The following AKAP13 variants were observed in gnomAD, a reference collection of about 807,000 sequenced individuals.
AKAP13 encodes the protein A-kinase anchor protein 13.
A neutral mutation model predicts 264.5 loss-of-function variants in AKAP13; 80 were observed. That is an observed-to-expected ratio of 0.30 (90% confidence interval 0.25 to 0.36). The LOEUF (loss-of-function observed/expected upper bound fraction) is 0.36, where lower values mean the gene tolerates loss of function less well. Ranked by LOEUF, AKAP13 falls within the 10% of genes least tolerant of loss-of-function variation. The probability of loss-of-function intolerance (pLI) is 1.00; values close to 1 mark genes in which losing one functional copy is unlikely to be tolerated. For missense variants in AKAP13, 3,712 were observed against 3,435.2 expected, an observed-to-expected ratio of 1.08 and a Z score of -2.01; for synonymous variants, 1,380 against 1,250.2, an observed-to-expected ratio of 1.10 and a Z score of -2.19.
chr15:85,466,042 T>A (rs1234908516), intron 1 of AKAP13, among the ~76,000 whole-genome samples: 2 of 152,270 alleles, frequency 1.3e-5, no homozygotes, highest in African/African-American at 2.4e-5. Context: ...AATGGTTGCC[T>A]TTCTAACTGG....
Position 85,740,213 on chromosome 15 carries a change from C to T in AKAP13, c.7558-9C>T. On this transcript the variant is annotated splice_polypyrimidine_tract_variant and intron_variant, in intron 33 of 36. Coordinates refer to ENST00000394518, the MANE Select transcript of AKAP13 (RefSeq NM_007200.5). ...TGAAACGAATGTTTCCATTTTGTTC[C>T]TTTGGCAGCAGGTTGTCCAGAGCGT... is the stretch of plus-strand genomic sequence containing the variant. 6.2e-7 allele frequency: 1 copy of T among 1,614,018 alleles called. No individual in the cohort carries two copies. The highest frequency in any genetic ancestry group is 1.1e-5 in the South Asian group (1 of 91,074).
At chr15:85,471,143 C>G (rs114228582) in intron 1 of AKAP13, among the ~76,000 whole-genome samples, 2,043 of 152,264 alleles carry the variant, frequency 0.013, 60 homozygotes, top group African/African-American at 0.047. Context: ...TGACACAAAG[C>G]ATTACAGCAT....
intron 13 of AKAP13, among the ~76,000 whole-genome samples, chr15:85,669,218 A>G (rs1046079273): frequency 1.2e-4 from 19 of 152,200 alleles, no homozygotes; most frequent in Non-Finnish European, 2.1e-4. Flanking sequence ...CAGCTGGGTG[A>G]CAGAGTGAGA....
At chr15:85,477,867 C>T (rs2075223733) in intron 1 of AKAP13, among the ~76,000 whole-genome samples, 3 of 152,082 alleles carry the variant, frequency 2.0e-5, no homozygotes, top group Non-Finnish European at 4.4e-5. Flanking sequence ...ACCTGGATGC[C>T]TCTTGTGACT....
intron 2 of AKAP13, among the ~76,000 whole-genome samples, chr15:85,510,271 G>T (rs972927771): frequency 1.3e-5 from 2 of 152,136 alleles, no homozygotes; most frequent in Non-Finnish European, 2.9e-5. Flanking sequence ...GAGCAGCACT[G>T]GGCTTAGACA....
At chr15:85,441,591 A>C (rs570765307) in intron 1 of AKAP13, among the ~76,000 whole-genome samples, 14 of 152,144 alleles carry the variant, frequency 9.2e-5, no homozygotes, top group Non-Finnish European at 1.3e-4. Context: ...AGCCAAGATC[A>C]CAAAGATTTT....
Position 85,581,534 on chromosome 15 carries a change from G to A in AKAP13, c.3466G>A (p.Asp1156Asn). The change falls in exon 7 of 37, where the codon GAT becomes AAT. Residue 1156 changes from aspartate (D) to asparagine (N), a missense_variant. Around this residue, in one of 3 missense-constraint regions of AKAP13, gnomAD observed 2,759 missense variants for 2,411.7 expected, o/e 1.14. Transcript: ENST00000394518. ...GVGTPEMIPL[D>N]WEKGKLEGAD... ...TGGAACCCCAGAGATGATACCTCTTGATTGGGAGAAAGGGAAGCTGGAGGG... is the reference window on the plus strand; with the variant it reads ...TGGAACCCCAGAGATGATACCTCTTAATTGGGAGAAAGGGAAGCTGGAGGG... 6.2e-7 allele frequency: 1 copy of A among 1,614,198 alleles called. No individual in the cohort carries two copies.
rs74360210 is a variant in AKAP13 at position 85,635,198 on chromosome 15, C to A, written c.4162-4176C>A. 3 of 397,610 alleles carry A rather than the reference C, an allele frequency of 7.5e-6. No homozygotes were observed. In the South Asian group the frequency reaches 3.9e-4, roughly 52 times the overall value. 24.6% of individuals were successfully genotyped at this position (397,610 alleles called of 1,614,324 possible). ...TTTCTTTCAGCAACAGTACTGTGTTCTAGTTGCTCCACATCTTTGCCAACA... is the reference window on the plus strand; with the variant it reads ...TTTCTTTCAGCAACAGTACTGTGTTATAGTTGCTCCACATCTTTGCCAACA... On this transcript the variant is annotated intron_variant, in intron 8 of 36. Transcript: ENST00000394518.
chr15:85,448,569 CA>C (rs1858587601), intron 1 of AKAP13, among the ~76,000 whole-genome samples: 1 of 152,112 alleles, frequency 6.6e-6, no homozygotes, highest in African/African-American at 2.4e-5. Context: ...GGTCCAGCTT[CA>C]AACTTGTACA....
At chr15:85,506,277 C>T (rs2151105527) in intron 2 of AKAP13, among the ~76,000 whole-genome samples, 1 of 152,218 alleles carries the variant, frequency 6.6e-6, no homozygotes, top group South Asian at 2.1e-4. Flanking sequence ...GAGCGGGACT[C>T]CATCTCAAAA....
intron 4 of AKAP13, among the ~76,000 whole-genome samples, chr15:85,541,318 G>C (rs534558751): frequency 2.0e-5 from 3 of 152,302 alleles, no homozygotes; most frequent in African/African-American, 7.2e-5. Flanking sequence ...TGGGGAAATA[G>C]AAGGAAGAAT....
At chr15:85,426,828 T>G (rs1315120601) in intron 1 of AKAP13, among the ~76,000 whole-genome samples, 1 of 152,194 alleles carries the variant, frequency 6.6e-6, no homozygotes, top group Non-Finnish European at 1.5e-5. Context: ...CATAAACATC[T>G]CTAAAGAATT....
chr15:85,699,172 G>T (rs991606766), intron 17 of AKAP13, among the ~76,000 whole-genome samples: 1 of 151,918 alleles, frequency 6.6e-6, no homozygotes, highest in East Asian at 1.9e-4. Context: ...TGCCAGGGAT[G>T]GTGGCTCACA....
chr15:85,422,655 T>C (rs949544661), intron 1 of AKAP13, among the ~76,000 whole-genome samples: 3 of 152,198 alleles, frequency 2.0e-5, no homozygotes, highest in Non-Finnish European at 4.4e-5. Context: ...TACCTGCATA[T>C]GATTTTAAAT....
In AKAP13 at chr15:85,685,099, T is replaced by G. The variant is rs2084818092; in HGVS notation, c.5289+226T>G. The G allele has an allele frequency of 9.0e-6, 4 of 443,454 alleles. No homozygotes were observed. In the South Asian group the frequency reaches 1.7e-4, roughly 18 times the overall value. 27.5% of individuals were successfully genotyped at this position (443,454 alleles called of 1,614,324 possible). A position where few individuals can be genotyped will look rare whatever the true frequency, so the allele number is the denominator to read the frequency against. On this transcript the variant is annotated intron_variant, in intron 16 of 36. Coordinates refer to ENST00000394518, the MANE Select transcript of AKAP13 (RefSeq NM_007200.5). ...TATATGCTAAGTGCTTTCCATATAT[T>G]ATTTAACCCTTTCAACAACCCTGTC... is the stretch of plus-strand genomic sequence containing the variant.
chr15:85,511,974 T>C (rs2076437681), intron 2 of AKAP13, among the ~76,000 whole-genome samples: 1 of 152,210 alleles, frequency 6.6e-6, no homozygotes. Context: ...GAGAAATCTT[T>C]CTGGAATATT....
At chr15:85,620,421 T>C (rs138272307) in intron 8 of AKAP13, among the ~76,000 whole-genome samples, 2 of 152,304 alleles carry the variant, frequency 1.3e-5, no homozygotes, top group East Asian at 3.9e-4. Flanking sequence ...TGGATTCTTA[T>C]GCTTGGGAGA....
chr15:85,471,927 A>G (rs1051341247), intron 1 of AKAP13, among the ~76,000 whole-genome samples: 2 of 152,164 alleles, frequency 1.3e-5, no homozygotes, highest in Non-Finnish European at 2.9e-5. Flanking sequence ...TTTGTAGATC[A>G]GTTTGGGGGA....
intron 8 of AKAP13, among the ~76,000 whole-genome samples, chr15:85,598,433 T>G (rs573756244): frequency 1.3e-5 from 2 of 152,328 alleles, no homozygotes; most frequent in East Asian, 3.9e-4. Flanking sequence ...GACTGACTTG[T>G]CAGCGGGAGA....
Sources: gnomAD v4.1 joint callset for allele counts (sites outside exome capture counted in the v4.1 genomes callset) on GRCh38, gnomAD v4.1.1 for gene constraint, gnomAD v4.1.1 regional missense constraint, MANE v1.5 for transcripts, NCBI Gene and HGNC (gene_info 2026-07-23, HGNC 2026-07-21) for gene names.